IKBIP: variants seen among roughly 807,000 people sequenced by gnomAD.
IKBIP encodes the protein inhibitor of nuclear factor kappa-B kinase-interacting protein.
In IKBIP, 28 loss-of-function variants were observed where a neutral mutation model predicts 31.0. That is an observed-to-expected ratio of 0.90 (90% CI 0.67 to 1.24). The LOEUF is 1.24. IKBIP is among the 50% of genes most tolerant of loss of function. IKBIP has a pLI of 0.00. For synonymous variants in IKBIP, 164 were observed against 160.3 expected (o/e 1.02, Z -0.17); for missense variants, 453 against 441.9 (o/e 1.03, Z -0.23).
In IKBIP at chr12:98,625,391, C is replaced by A. The variant is rs1055096928; in HGVS notation, c.*539G>T. 1.4e-6 allele frequency: 1 copy of A among 719,264 alleles called. No homozygotes were observed. Among genetic ancestry groups the A allele is most frequent in the Non-Finnish European group, 1.7e-6 (1 of 587,314 alleles). The allele number at this position is 719,264 out of a possible 1,614,324, so 44.6% of individuals were successfully genotyped here. A position where few individuals can be genotyped will look rare whatever the true frequency, so the allele number is the denominator to read the frequency against. On this transcript the variant is annotated 3_prime_UTR_variant, in exon 3 of 3. Coordinates refer to ENST00000299157, the MANE Select transcript of IKBIP (RefSeq NM_153687.4). Reference sequence around the variant, plus strand: ...CCAGGCTCTCCCTCAGGCATGTTATCTTTTATTTTACACAAAATTCCCATG... The same window carrying A: ...CCAGGCTCTCCCTCAGGCATGTTATATTTTATTTTACACAAAATTCCCATG...
chr12:98,631,435 C>G (rs955174672), intron 2 of IKBIP, among the ~76,000 whole-genome samples: 1 of 150,562 alleles, frequency 6.6e-6, no homozygotes, highest in Admixed American at 6.6e-5. Context: ...CACACGCTAC[C>G]ATGCCCAGCT....
At chr12:98,640,077 C>A (rs2097629091) in intron 1 of IKBIP, among the ~76,000 whole-genome samples, 1 of 152,178 alleles carries the variant, frequency 6.6e-6, no homozygotes. Context: ...CAGAGTTATA[C>A]AACTTGCTTA....
At chr12:98,634,976 TG>T (rs2097624495) in intron 1 of IKBIP, among the ~76,000 whole-genome samples, 1 of 151,504 alleles carries the variant, frequency 6.6e-6, no homozygotes, top group African/African-American at 2.4e-5. Context: ...CCCAAAGTGC[TG>T]GGATTACAGG....
At position 98,637,607 on chromosome 12, in the gene IKBIP, C is replaced by G. The variant is rs371215153; in HGVS notation, c.180-3194G>C. On this transcript the variant is annotated intron_variant, in intron 1 of 2. Transcript: ENST00000299157. Reference sequence around the variant, plus strand: ...TATTTTTAGTAGAGATGGGGTTTCACCATGTTGGCCAGAATGGTCTCGATC... The same window carrying G: ...TATTTTTAGTAGAGATGGGGTTTCAGCATGTTGGCCAGAATGGTCTCGATC... 2.4e-3 allele frequency among the ~76,000 whole-genome samples: 361 copies of G among 152,256 alleles called. 2 individuals carry two copies. The highest frequency in any genetic ancestry group is 8.3e-3 in the African/African-American group (344 of 41,544).
At position 98,624,788 on chromosome 12, in the gene IKBIP, C is replaced by G. The variant is rs1024723041; in HGVS notation, c.*1142G>C. ...TATGTTACTTTTCCCTCAAAACAGG[C>G]CACAGGCTTATTTTTATTTATTTAT... is the stretch of plus-strand genomic sequence containing the variant. On this transcript the variant is annotated 3_prime_UTR_variant, in exon 3 of 3. Transcript: ENST00000299157. 1 of 867,392 alleles carries G rather than the reference C, an allele frequency of 1.2e-6. No individual in the cohort carries two copies. Among genetic ancestry groups the G allele is most frequent in the African/African-American group, 1.8e-5 (1 of 54,858 alleles). 53.7% of individuals were successfully genotyped at this position (867,392 alleles called of 1,614,324 possible).
downstream of IKBIP, among the ~76,000 whole-genome samples, chr12:98,622,031 G>A (rs1052232932): frequency 2.0e-5 from 3 of 149,428 alleles, no homozygotes; most frequent in Non-Finnish European, 3.0e-5. Context: ...AGCTGAGATC[G>A]CACCACTGCA....
chr12:98,634,459 TA>T (rs752060894), intron 1 of IKBIP, 46 bp from the exon 2 acceptor site: 1 of 956,536 alleles, frequency 1.0e-6, no homozygotes, highest in South Asian at 1.4e-5. Context: ...CATATCCATT[TA>T]AATCCGAATT....
In IKBIP at chr12:98,626,687, T is replaced by C. The variant is rs1386704204; in HGVS notation, c.377A>G (p.Asn126Ser). The C allele has an allele frequency of 9.3e-6, 15 of 1,614,044 alleles. No individual in the cohort carries two copies. The highest frequency in any genetic ancestry group is 6.7e-5 in the East Asian group (3 of 44,874). The change falls in exon 3 of 3, where the codon AAC (asparagine) becomes AGC (serine). Residue 126 changes from asparagine (N) to serine (S), a missense_variant. Asn to Ser is a conservative substitution (Grantham distance 46). Coordinates refer to ENST00000299157, the MANE Select transcript of IKBIP (RefSeq NM_153687.4). ...LMTQFEQEVS[N>S]LQDIMHDIQN... Reference sequence around the variant, plus strand: ...AATGTCATGCATGATATCTTGGAGGTTGGATACTTCCTGCTCAAACTGGGT... The same window carrying C: ...AATGTCATGCATGATATCTTGGAGGCTGGATACTTCCTGCTCAAACTGGGT...
intron 2 of IKBIP, among the ~76,000 whole-genome samples, chr12:98,629,757 C>A (rs1846869629): frequency 6.6e-6 from 1 of 152,046 alleles, no homozygotes; most frequent in Non-Finnish European, 1.5e-5. Flanking sequence ...CTTATCCTCA[C>A]CTAAGGTAAT....
intron 2 of IKBIP, among the ~76,000 whole-genome samples, chr12:98,631,044 T>C (rs1203329998): frequency 1.3e-5 from 2 of 151,848 alleles, no homozygotes; most frequent in Non-Finnish European, 2.9e-5. Context: ...GTAATTCTCC[T>C]ACCTCAGCCT....
chr12:98,630,376 C>CA lies in IKBIP; in HGVS notation c.298-3611dup, dbSNP rs61623957. On this transcript the variant is annotated intron_variant, in intron 2 of 2. Coordinates refer to ENST00000299157, the MANE Select transcript of IKBIP (RefSeq NM_153687.4). ...CCAGCCTGGGCAACAAGAGCCTGGG[C>CA]AAAAAAAAAAAAAAAAAAAAAAAAA... Among the ~76,000 whole-genome samples the CA allele has an allele frequency of 3.4e-3, 141 of 41,292 alleles. 42 individuals carry two copies. Among genetic ancestry groups the CA allele is most frequent in the Non-Finnish European group, 4.7e-3 (118 of 25,156 alleles). The allele number at this position is 41,292 out of a possible 152,430, so 27.1% of individuals were successfully genotyped here.
intron 2 of IKBIP, among the ~76,000 whole-genome samples, chr12:98,617,335 C>T (rs1442070352): frequency 1.3e-5 from 2 of 152,194 alleles, no homozygotes; most frequent in African/African-American, 2.4e-5. Context: ...ACTGAAAGCT[C>T]TTAAATTGTC....
chr12:98,635,089 T>G (rs552660131), intron 1 of IKBIP, among the ~76,000 whole-genome samples: 3 of 150,946 alleles, frequency 2.0e-5, no homozygotes, highest in Non-Finnish European at 2.9e-5. Context: ...CACTGCAACC[T>G]TTGCCTCCTG....
intron 1 of IKBIP, among the ~76,000 whole-genome samples, chr12:98,638,435 T>A (rs2097627742): frequency 6.6e-6 from 1 of 152,052 alleles, no homozygotes; most frequent in African/African-American, 2.4e-5. Flanking sequence ...GCGTGTGCCA[T>A]AATGCCTGGC....
At chr12:98,621,644 T>C (rs955787549), downstream of IKBIP, among the ~76,000 whole-genome samples, 2 of 152,208 alleles carry the variant, frequency 1.3e-5, no homozygotes, top group Non-Finnish European at 2.9e-5. Flanking sequence ...AGGTCTACAG[T>C]GTGACTGCAA....
At chr12:98,643,562 TTTAAGG>T (rs1177530044) in intron 1 of IKBIP, among the ~76,000 whole-genome samples, 3 of 152,334 alleles carry the variant, frequency 2.0e-5, no homozygotes, top group African/African-American at 7.2e-5. Flanking sequence ...ACGAGTTGGT[TTTAAGG>T]TTATTTCTAA....
Position 98,625,012 on chromosome 12 carries a change from A to G in IKBIP, c.*918T>C, listed in dbSNP as rs906783431. The G allele has an allele frequency of 3.9e-5, 18 of 462,818 alleles. No individual in the cohort carries two copies. Among genetic ancestry groups the G allele is most frequent in the African/African-American group, 3.6e-4 (17 of 47,014 alleles). The allele number at this position is 462,818 out of a possible 1,614,324, so 28.7% of individuals were successfully genotyped here. ...AGTAGAGACAGGGTTTCACCCTGTT[A>G]GCCAGATGGTCTTGATCTCCTGACT... On this transcript the variant is annotated 3_prime_UTR_variant, in exon 3 of 3. Coordinates refer to ENST00000299157, the MANE Select transcript of IKBIP (RefSeq NM_153687.4).
rs755351198 is a variant in IKBIP, at chr12:98,626,420, G to A, written c.644C>T (p.Thr215Ile). 6.2e-7 allele frequency: 1 copy of A among 1,613,218 alleles called. No individual in the cohort carries two copies. Among genetic ancestry groups the A allele is most frequent in the Non-Finnish European group, 8.5e-7 (1 of 1,179,990 alleles). The stretch of plus-strand genomic sequence containing the variant: ...ATCTTCTTCTTCTTGTCTTTTTACT[G>A]TTCTAATATTTCTTAGTGTGCTATC... ...LEDSTLRNIR[T>I]VKRQEEEDLL... Residue 215 changes from threonine (T) to isoleucine (I), a missense_variant, in exon 3 of 3, where the codon ACA becomes ATA. Thr to Ile is a moderately conservative substitution (Grantham distance 89, BLOSUM62 -1). Coordinates refer to ENST00000299157, the MANE Select transcript of IKBIP (RefSeq NM_153687.4).
chr12:98,613,976 C>T (rs376794268), exon 3 of IKBIP: 2 of 1,612,328 alleles, frequency 1.2e-6, no homozygotes, highest in South Asian at 2.2e-5. Flanking sequence ...TCGATCAATA[C>T]TGCTTGAAAG....
Sources: gnomAD v4.1 joint callset for allele counts (sites outside exome capture counted in the v4.1 genomes callset) on GRCh38, gnomAD v4.1.1 for gene constraint, MANE v1.5 for transcripts, NCBI Gene and HGNC (gene_info 2026-07-23, HGNC 2026-07-21) for gene names.